Variants in RYR3 observed in about 807,000 individuals in gnomAD.
RYR3 encodes the protein ryanodine receptor 3.
In RYR3, 207 loss-of-function variants were observed where a neutral mutation model predicts 584.3. That is an observed-to-expected ratio of 0.35 (90% CI 0.32 to 0.40). RYR3 has a LOEUF of 0.40. Among genes scored for constraint, RYR3 ranks in the 10% least tolerant of loss-of-function variants. The probability of loss-of-function intolerance (pLI) is 1.00; values close to 1 mark genes in which losing one functional copy is unlikely to be tolerated. For missense variants in RYR3, 5,616 were observed against 6,089.2 expected (o/e 0.92, Z 2.59); for synonymous variants, 2,416 against 2,248.5 (o/e 1.07, Z -2.11).
chr15:33,756,570 A>T (rs1441838529), intron 59 of RYR3, among the ~76,000 whole-genome samples, 197 bp downstream of exon 59: 1 of 152,078 alleles, frequency 6.6e-6, no homozygotes, highest in Non-Finnish European at 1.5e-5. Flanking sequence ...GCCCCACACC[A>T]TCACCTGGGA....
intron 1 of RYR3, among the ~76,000 whole-genome samples, chr15:33,380,374 A>G (rs1468221064): frequency 6.6e-6 from 1 of 152,112 alleles, no homozygotes; most frequent in Non-Finnish European, 1.5e-5. Flanking sequence ...AGTTAGGTAA[A>G]TGCCTATTAC....
intron 1 of RYR3, among the ~76,000 whole-genome samples, chr15:33,419,734 A>T (rs930244658): frequency 6.6e-6 from 1 of 152,144 alleles, no homozygotes; most frequent in African/African-American, 2.4e-5. Flanking sequence ...TTAAAATTCC[A>T]TGGTAGTATG....
intron 16 of RYR3, among the ~76,000 whole-genome samples, chr15:33,597,092 C>A (rs547890273): frequency 4.6e-5 from 7 of 152,296 alleles, no homozygotes; most frequent in Non-Finnish European, 8.8e-5. Flanking sequence ...TATCATTAAA[C>A]CCTTATCAAT....
Position 33,780,173 on chromosome 15 carries a change from G to T in RYR3, c.9138-38G>T, listed in dbSNP as rs745465849. 22 of 1,605,054 alleles carry T rather than the reference G, an allele frequency of 1.4e-5. 1 individual carries two copies. The South Asian group carries it at 2.2e-4, about 16-fold the overall frequency. On this transcript the variant is annotated intron_variant, in intron 64 of 103. Coordinates refer to ENST00000634891, the MANE Select transcript of RYR3 (RefSeq NM_001036.6). ...CTGCCAATGCATGGGGCCAGCATGT[G>T]GGGGGCCACACTTCTCAATGGACTT... is the stretch of plus-strand genomic sequence containing the variant.
intron 14 of RYR3, among the ~76,000 whole-genome samples, chr15:33,582,203 G>C (rs1326185353): frequency 6.6e-6 from 1 of 152,164 alleles, no homozygotes; most frequent in Non-Finnish European, 1.5e-5. Context: ...AATAGGCCTA[G>C]GCCACCCGCC....
chr15:33,398,053 T>C (rs1045961697), intron 1 of RYR3, among the ~76,000 whole-genome samples: 2 of 152,228 alleles, frequency 1.3e-5, no homozygotes, highest in Non-Finnish European at 2.9e-5. Context: ...TATGTAATAA[T>C]ATATTTCAAT....
intron 49 of RYR3, among the ~76,000 whole-genome samples, 163 bp downstream of exon 49, chr15:33,736,488 T>A (rs542193926): frequency 6.6e-6 from 1 of 152,318 alleles, no homozygotes; most frequent in Non-Finnish European, 1.5e-5. Context: ...AACCAAGTCC[T>A]TTCTTGAATG....
At position 33,610,830 on chromosome 15, in the gene RYR3, A is replaced by C. The variant is rs539075633; in HGVS notation, c.2165-2353A>C. 3.9e-5 allele frequency among the ~76,000 whole-genome samples: 6 copies of C among 152,276 alleles called. No individual in the cohort carries two copies. In the South Asian group the frequency reaches 1.2e-3, roughly 32 times the overall value. On this transcript the variant is annotated intron_variant, in intron 18 of 103. Transcript: ENST00000634891. ...AAAGCCTGAAGGTAATTTTTTACAA[A>C]ATTTTTAATAATTTTGTGCATGAAA...
At chr15:33,533,671 T>C (rs2055071135) in intron 5 of RYR3, among the ~76,000 whole-genome samples, 1 of 152,148 alleles carries the variant, frequency 6.6e-6, no homozygotes, top group African/African-American at 2.4e-5. Context: ...AGTGAACAAA[T>C]CATTTGTGAT....
chr15:33,345,687 G>T (rs1476325939), intron 1 of RYR3, among the ~76,000 whole-genome samples: 1 of 152,118 alleles, frequency 6.6e-6, no homozygotes, highest in Non-Finnish European at 1.5e-5. Context: ...AGAGTGTGAC[G>T]CTCTCCACTG....
intron 53 of RYR3, 30 bp from the exon 54 acceptor site, chr15:33,748,084 C>T: frequency 6.2e-7 from 1 of 1,611,346 alleles, no homozygotes; most frequent in Non-Finnish European, 8.5e-7. Flanking sequence ...GTGTGTTCTG[C>T]AAAGTGCTTC....
intron 6 of RYR3, among the ~76,000 whole-genome samples, chr15:33,539,684 A>T (rs1242863760): frequency 6.6e-6 from 1 of 152,176 alleles, no homozygotes; most frequent in Non-Finnish European, 1.5e-5. Context: ...TTTTGATAAG[A>T]AGTAGCCTAC....
intron 1 of RYR3, among the ~76,000 whole-genome samples, chr15:33,406,763 T>G (rs191358831): frequency 1.6e-3 from 237 of 151,926 alleles, no homozygotes; most frequent in African/African-American, 5.3e-3. Context: ...CATTTCATTG[T>G]TTTTTTTAAC....
chr15:33,363,598 G>A (rs1039617137), intron 1 of RYR3, among the ~76,000 whole-genome samples: 1 of 152,170 alleles, frequency 6.6e-6, no homozygotes, highest in African/African-American at 2.4e-5. Flanking sequence ...ATATGTAGAT[G>A]CTGTAATGAG....
chr15:33,418,544 G>C (rs2043995265), intron 1 of RYR3, among the ~76,000 whole-genome samples: 1 of 152,044 alleles, frequency 6.6e-6, no homozygotes, highest in Non-Finnish European at 1.5e-5. Context: ...CAGACAGGTA[G>C]CAAGAGGAGG....
chr15:33,743,087 T>C (rs1596388405), intron 52 of RYR3, among the ~76,000 whole-genome samples: 1 of 152,120 alleles, frequency 6.6e-6, no homozygotes, highest in East Asian at 1.9e-4. Flanking sequence ...CAGTTAAGGA[T>C]TGGGGCCATT....
intron 23 of RYR3, 91 bp downstream of exon 23, chr15:33,631,384 C>A: frequency 2.5e-6 from 2 of 791,628 alleles, no homozygotes; most frequent in South Asian, 3.4e-5. Context: ...GACAACAGCC[C>A]ACATAGTTGC....
At chr15:33,396,343 A>G (rs917698106) in intron 1 of RYR3, among the ~76,000 whole-genome samples, 2 of 152,110 alleles carry the variant, frequency 1.3e-5, no homozygotes, top group Non-Finnish European at 1.5e-5. Context: ...TGTGGTTGAC[A>G]CCCTGCATGT....
At chr15:33,805,325 T>C (rs917093793) in intron 69 of RYR3, among the ~76,000 whole-genome samples, 2 of 152,104 alleles carry the variant, frequency 1.3e-5, no homozygotes, top group Non-Finnish European at 2.9e-5. Flanking sequence ...CCCCATGAAG[T>C]GTGATTTCAG....
Sources: allele counts gnomAD v4.1 joint callset (sites outside exome capture counted in the v4.1 genomes callset), GRCh38; gene constraint gnomAD v4.1.1; transcripts MANE v1.5; gene names NCBI Gene and HGNC (gene_info 2026-07-23, HGNC 2026-07-21).